KIF18A: variants seen among roughly 807,000 people sequenced by gnomAD.
KIF18A encodes kinesin family member 18A.
Under a neutral mutation model 103.3 loss-of-function variants are expected in KIF18A, and 67 were observed. That is an observed-to-expected ratio of 0.65 (90% CI 0.53 to 0.79). The LOEUF (loss-of-function observed/expected upper bound fraction) is 0.79, where lower values mean the gene tolerates loss of function less well. KIF18A is among the 30% of genes least tolerant of loss of function. KIF18A has a pLI of 0.00. For missense variants in KIF18A, 1,032 were observed against 1,062.5 expected (o/e 0.97, Z 0.40); for synonymous variants, 367 against 355.5 (o/e 1.03, Z -0.36).
chr11:28,047,936 C>T (rs557200916), intron 13 of KIF18A, among the ~76,000 whole-genome samples: 1 of 152,180 alleles, frequency 6.6e-6, no homozygotes, highest in East Asian at 1.9e-4. Context: ...ACATGTAACA[C>T]ATTTGGCAAA....
At chr11:28,028,366 T>C (rs1456476397) in intron 15 of KIF18A, among the ~76,000 whole-genome samples, 1 of 152,076 alleles carries the variant, frequency 6.6e-6, no homozygotes, top group Non-Finnish European at 1.5e-5. Context: ...AACTCAGGAT[T>C]AAGACACTCA....
At chr11:28,091,159 T>C (rs1175959553) in intron 4 of KIF18A, among the ~76,000 whole-genome samples, 2 of 151,856 alleles carry the variant, frequency 1.3e-5, no homozygotes, top group East Asian at 1.9e-4. Flanking sequence ...AATACATACA[T>C]ACATACATAC....
At chr11:28,024,765 G>C (rs573657166) in intron 15 of KIF18A, among the ~76,000 whole-genome samples, 46 of 151,994 alleles carry the variant, frequency 3.0e-4, no homozygotes, top group South Asian at 2.1e-3. Context: ...GTAGGATTGG[G>C]GGGGGTTGGG....
chr11:28,083,593 A>G (rs1851192141), intron 7 of KIF18A, among the ~76,000 whole-genome samples: 1 of 152,062 alleles, frequency 6.6e-6, no homozygotes, highest in Non-Finnish European at 1.5e-5. Flanking sequence ...ACTATATTTT[A>G]ACATTTTTAT....
At chr11:28,048,056 G>C (rs1850661875) in intron 13 of KIF18A, among the ~76,000 whole-genome samples, 3 of 151,984 alleles carry the variant, frequency 2.0e-5, no homozygotes, top group Admixed American at 2.0e-4. Flanking sequence ...AAATGGATAA[G>C]AGCAAAATAA....
intron 15 of KIF18A, among the ~76,000 whole-genome samples, chr11:28,030,285 A>G (rs889639044): frequency 6.6e-6 from 1 of 151,900 alleles, no homozygotes. Context: ...AAACTATACT[A>G]CAAGGCTACA....
At chr11:28,095,413 C>T (rs1191916779) in intron 2 of KIF18A, among the ~76,000 whole-genome samples, 1 of 152,198 alleles carries the variant, frequency 6.6e-6, no homozygotes, top group Non-Finnish European at 1.5e-5. Context: ...TCTGCCTTCC[C>T]TCATTGTCCT....
At chr11:28,026,229 T>C (rs901290663) in intron 15 of KIF18A, among the ~76,000 whole-genome samples, 1 of 151,840 alleles carries the variant, frequency 6.6e-6, no homozygotes, top group African/African-American at 2.4e-5. Flanking sequence ...GAATATCCAG[T>C]GCTTTCAAAC....
chr11:28,085,368 C>T (rs1851213559), intron 6 of KIF18A, among the ~76,000 whole-genome samples: 1 of 152,180 alleles, frequency 6.6e-6, no homozygotes, highest in Non-Finnish European at 1.5e-5. Flanking sequence ...GGCCTAAACC[C>T]CTCCCTGTGG....
chr11:28,051,292 A>T (rs1355293836), intron 13 of KIF18A, among the ~76,000 whole-genome samples: 3 of 151,910 alleles, frequency 2.0e-5, no homozygotes. Context: ...AAAAAACTAT[A>T]AAGTATCACA....
At chr11:28,069,932 G>C (rs1420792582) in intron 10 of KIF18A, among the ~76,000 whole-genome samples, 1 of 152,134 alleles carries the variant, frequency 6.6e-6, no homozygotes, top group Non-Finnish European at 1.5e-5. Flanking sequence ...ATCAGTATCT[G>C]ATCTTGCCTG....
chr11:28,025,148 A>T (rs1850300232), intron 15 of KIF18A, among the ~76,000 whole-genome samples: 1 of 152,114 alleles, frequency 6.6e-6, no homozygotes, highest in Non-Finnish European at 1.5e-5. Flanking sequence ...GAAACCACAG[A>T]AAGCAAAACT....
In KIF18A at chr11:28,041,206, C is replaced by G. The variant is rs148628675; in HGVS notation, c.1949-4542G>C. ...AGGGGAGAAGGCAGATGACAATAAA[C>G]AAATAAAATAAATTAGGATGATAAA... On this transcript the variant is annotated intron_variant, in intron 13 of 16. Transcript: ENST00000263181. Among the ~76,000 whole-genome samples, 119 of 151,430 alleles carry G rather than the reference C, an allele frequency of 7.9e-4. 2 individuals carry two copies. The East Asian group carries it at 0.021, about 27-fold the overall frequency.
intron 13 of KIF18A, among the ~76,000 whole-genome samples, chr11:28,055,063 G>C (rs569047598): frequency 6.6e-6 from 1 of 152,118 alleles, no homozygotes; most frequent in Non-Finnish European, 1.5e-5. Context: ...AATCATGCCC[G>C]AAAGGTATGA....
rs1016715905 is a variant in KIF18A at position 28,101,959 on chromosome 11, C to T, written c.-46-3966G>A. ...TCATTAGATGCGTTTTATTTGACCCCGTATATTGTGACTTGCTTTTCAATT... is the reference window on the plus strand; with the variant it reads ...TCATTAGATGCGTTTTATTTGACCCTGTATATTGTGACTTGCTTTTCAATT... On this transcript the variant is annotated intron_variant, in intron 1 of 16. Transcript: ENST00000263181. Among the ~76,000 whole-genome samples, 8 of 152,012 alleles carry T rather than the reference C, an allele frequency of 5.3e-5. No individual in the cohort carries two copies. The South Asian group carries it at 6.2e-4, about 12-fold the overall frequency.
chr11:28,056,156 T>A (rs866089952), intron 13 of KIF18A, among the ~76,000 whole-genome samples: 25 of 134,558 alleles, frequency 1.9e-4, no homozygotes, highest in Admixed American at 4.3e-4. Flanking sequence ...GATGAAACCA[T>A]CCATGTTTTT....
intron 15 of KIF18A, among the ~76,000 whole-genome samples, chr11:28,033,223 G>T (rs1039279764): frequency 5.9e-5 from 9 of 151,540 alleles, no homozygotes; most frequent in Admixed American, 5.3e-4. Flanking sequence ...CACTGGCAAG[G>T]ATATGGAGAA....
chr11:28,034,376 T>C (rs1437056466), intron 15 of KIF18A, among the ~76,000 whole-genome samples: 1 of 151,718 alleles, frequency 6.6e-6, no homozygotes, highest in Non-Finnish European at 1.5e-5. Flanking sequence ...AAGAATTAAG[T>C]TGGTCTAAGG....
At chr11:28,103,153 T>TA (rs1469015636) in intron 1 of KIF18A, among the ~76,000 whole-genome samples, 1 of 152,118 alleles carries the variant, frequency 6.6e-6, no homozygotes, top group East Asian at 1.9e-4. Context: ...GAAAGACAAA[T>TA]ACTTCCAACG....
Sources: gnomAD v4.1 joint callset for allele counts (sites outside exome capture counted in the v4.1 genomes callset) on GRCh38, gnomAD v4.1.1 for gene constraint, MANE v1.5 for transcripts, NCBI Gene and HGNC (gene_info 2026-07-23, HGNC 2026-07-21) for gene names.